Variants in DHX8 observed in about 807,000 individuals in gnomAD.
DHX8 encodes the protein ATP-dependent RNA helicase DHX8.
In DHX8, 67 loss-of-function variants were observed where a neutral mutation model predicts 140.7. That is an observed-to-expected ratio of 0.48 (90% confidence interval 0.39 to 0.58). DHX8 has a LOEUF of 0.58. Among genes scored for constraint, DHX8 ranks in the 20% least tolerant of loss-of-function variants. The pLI, the probability that DHX8 is intolerant of heterozygous loss-of-function variation, is 0.00. For synonymous variants in DHX8, 533 were observed against 553.2 expected (o/e 0.96, Z 0.51); for missense variants, 887 against 1,550.7 (o/e 0.57, Z 7.19).
chr17:43,490,344 C>A, intron 2 of DHX8, 47 bp from the exon 3 acceptor site: 1 of 1,458,780 alleles, frequency 6.9e-7, no homozygotes, highest in Non-Finnish European at 9.6e-7. Flanking sequence ...TGTATTTAAG[C>A]ACTGATATGG....
chr17:43,538,682 C>G (rs1416362864), intron 3 of DHX8, among the ~76,000 whole-genome samples: 20 of 152,132 alleles, frequency 1.3e-4, no homozygotes, highest in Admixed American at 1.3e-3. Context: ...TTTTGCCCCT[C>G]TCTCAAAAAT....
Position 43,496,191 on chromosome 17 carries a change from C to T in DHX8, c.1223C>T (p.Ala408Val). The change falls in exon 9 of 23, where the codon GCC (alanine) becomes GTC (valine). Residue 408 changes from alanine to valine, a missense_variant. Around this residue, in one of 9 missense-constraint regions of DHX8, gnomAD observed 178 missense variants for 398.5 expected, o/e 0.45. Transcript: ENST00000262415. ...CTCTTCTTTGGCTAGATGATTGCTG[C>T]CAATGTCCTTTCCAAAGAAGAATTT... ...EKWEIKQMIA[A>V]NVLSKEEFPD... is the part of the protein sequence containing the mutation. 6.2e-7 allele frequency: 1 copy of T among 1,613,530 alleles called. No individual in the cohort carries two copies. The highest frequency in any genetic ancestry group is 8.5e-7 in the Non-Finnish European group (1 of 1,179,558).
chr17:43,521,378 GC>G lies in DHX8; in HGVS notation c.3079del (p.Ala1028GlnfsTer19). The G allele has an allele frequency of 6.2e-7, 1 of 1,611,788 alleles. No individual in the cohort carries two copies. Among genetic ancestry groups the G allele is most frequent in the Non-Finnish European group, 8.5e-7 (1 of 1,178,710 alleles). On this transcript the variant is annotated frameshift_variant, in exon 21 of 23. Transcript: ENST00000262415. LOFTEE classifies it high-confidence loss of function. ...TCCCACTGCTTGGCAGGATAAACAA[GC>G]CCTTGCAGATCAGAAGAAGGCCAAA... ...NVFYRPKDKQ[A>X]LADQKKAKFH...
At chr17:43,538,049 G>A (rs1381658501) in intron 3 of DHX8, among the ~76,000 whole-genome samples, 1 of 151,196 alleles carries the variant, frequency 6.6e-6, no homozygotes, top group African/African-American at 2.4e-5. Context: ...CCTGAGGCAA[G>A]AGAATGGCGT....
At chr17:43,497,801 T>A (rs1968950294) in intron 9 of DHX8, among the ~76,000 whole-genome samples, 1 of 152,180 alleles carries the variant, frequency 6.6e-6, no homozygotes, top group Non-Finnish European at 1.5e-5. Flanking sequence ...TGTTTGACTT[T>A]GCTGGGCAGT....
At chr17:43,507,473 C>T in intron 13 of DHX8, 30 bp from the exon 14 acceptor site, 1 of 1,593,602 alleles carries the variant, frequency 6.3e-7, no homozygotes, top group Non-Finnish European at 8.6e-7. Flanking sequence ...ACATTTGTAT[C>T]CTAGGTTTTC....
At chr17:43,496,583 G>C (rs140967526) in intron 9 of DHX8, among the ~76,000 whole-genome samples, 3 of 152,180 alleles carry the variant, frequency 2.0e-5, no homozygotes, top group African/African-American at 7.2e-5. Context: ...TTTGAAACCA[G>C]CCTGGCCAAC....
chr17:43,510,166 A>C (rs1969738204), intron 16 of DHX8, among the ~76,000 whole-genome samples: 2 of 152,062 alleles, frequency 1.3e-5, no homozygotes, highest in African/African-American at 4.8e-5. Context: ...CTCCTGCCTC[A>C]GCCTCCCGAG....
intron 16 of DHX8, among the ~76,000 whole-genome samples, chr17:43,512,881 A>G (rs144745612): frequency 3.3e-4 from 51 of 152,268 alleles, no homozygotes; most frequent in African/African-American, 1.1e-3. Context: ...TGATCAGTAA[A>G]AAGAAGCAAT....
At chr17:43,532,660 C>T (rs1178006440) in intron 2 of DHX8, 2 of 1,606,096 alleles carry the variant, frequency 1.2e-6, no homozygotes, top group Admixed American at 1.7e-5. Flanking sequence ...CCCTGCCCCA[C>T]CCCAGTCTCT....
At chr17:43,510,490 T>C (rs1969761162) in intron 16 of DHX8, among the ~76,000 whole-genome samples, 1 of 152,264 alleles carries the variant, frequency 6.6e-6, no homozygotes, top group Non-Finnish European at 1.5e-5. Flanking sequence ...ATGTAAACTA[T>C]GCACATCTTC....
At chr17:43,496,930 G>T (rs1968893581) in intron 9 of DHX8, among the ~76,000 whole-genome samples, 1 of 152,070 alleles carries the variant, frequency 6.6e-6, no homozygotes, top group Non-Finnish European at 1.5e-5. Context: ...AGCCCATAAT[G>T]ACTTTTTTGA....
chr17:43,522,994 C>CAG lies in DHX8; in HGVS notation c.3444-631_3444-630dup, dbSNP rs1970455793. Among the ~76,000 whole-genome samples the CAG allele has an allele frequency of 3.6e-5, 5 of 140,682 alleles. No homozygotes were observed. In the Admixed American group the frequency reaches 3.8e-4, roughly 11 times the overall value. 92.3% of individuals were successfully genotyped at this position (140,682 alleles called of 152,430 possible). A position where few individuals can be genotyped will look rare whatever the true frequency, so the allele number is the denominator to read the frequency against. ...ATGAGAATAGCTTGAACCCGGGAGG[C>CAG]AGAGGTTGCAGTGAGCTGAGATTGT... On this transcript the variant is annotated intron_variant, in intron 22 of 22. Coordinates refer to ENST00000262415, the MANE Select transcript of DHX8 (RefSeq NM_004941.3).
At chr17:43,484,760 G>A (rs551155269) in intron 1 of DHX8, among the ~76,000 whole-genome samples, 1 of 152,248 alleles carries the variant, frequency 6.6e-6, no homozygotes, top group African/African-American at 2.4e-5. Context: ...TCCCACCTCA[G>A]CCTCCCGAGT....
chr17:43,492,107 T>A, intron 4 of DHX8, 76 bp from the exon 5 acceptor site: 1 of 976,280 alleles, frequency 1.0e-6, no homozygotes, highest in South Asian at 1.3e-5. Flanking sequence ...GATTAGTGAT[T>A]TATAGATGTA....
chr17:43,536,043 G>A (rs900202371), intron 2 of DHX8, among the ~76,000 whole-genome samples: 40 of 152,198 alleles, frequency 2.6e-4, no homozygotes, highest in Admixed American at 2.0e-3. Flanking sequence ...CCCGGGAGGC[G>A]GAAGTTGCAG....
chr17:43,490,196 C>T (rs995264606), intron 2 of DHX8, among the ~76,000 whole-genome samples, 195 bp from the exon 3 acceptor site: 5 of 152,252 alleles, frequency 3.3e-5, no homozygotes, highest in African/African-American at 1.2e-4. Context: ...CCAAAGAGTC[C>T]TAAATATCGG....
chr17:43,492,770 A>G lies in DHX8; in HGVS notation c.593A>G (p.His198Arg), dbSNP rs772490499. ...RDRERNRDRDHKRRHRSRSRS... is the reference protein window; with the variant it reads ...RDRERNRDRDRKRRHRSRSRS... ...AGGGAACGAAACCGAGATAGAGACC[A>G]CAAGCGGAGACACCGATCCCGCTCT... Residue 198 changes from histidine to arginine, a missense_variant, in exon 6 of 23, where the codon CAC becomes CGC. Coordinates refer to ENST00000262415, the MANE Select transcript of DHX8 (RefSeq NM_004941.3). 6.2e-7 allele frequency: 1 copy of G among 1,614,052 alleles called. No individual in the cohort carries two copies. The highest frequency in any genetic ancestry group is 1.7e-5 in the Admixed American group (1 of 60,010).
intron 16 of DHX8, 130 bp downstream of exon 16, chr17:43,508,650 C>A: frequency 1.7e-6 from 1 of 592,342 alleles, no homozygotes; most frequent in Non-Finnish European, 2.8e-6. Context: ...GAGGCAGAGT[C>A]TCGCTCTCAC....
Sources: gnomAD v4.1 joint callset for allele counts (sites outside exome capture counted in the v4.1 genomes callset) on GRCh38, gnomAD v4.1.1 for gene constraint, gnomAD v4.1.1 regional missense constraint, MANE v1.5 for transcripts, NCBI Gene and HGNC (gene_info 2026-07-23, HGNC 2026-07-21) for gene names.